The following LRRD1 variants were observed in gnomAD, a reference collection of about 807,000 sequenced individuals.
LRRD1 encodes the protein leucine-rich repeat and death domain-containing protein 1.
Under a neutral mutation model 69.5 loss-of-function variants are expected in LRRD1, and 49 were observed. The ratio of observed to expected loss-of-function variants is 0.70; its 90% CI spans 0.56 to 0.89. The LOEUF is 0.89. Ranked by LOEUF, LRRD1 falls within the 40% of genes least tolerant of loss-of-function variation. LRRD1 has a pLI of 0.00. For synonymous variants in LRRD1, 303 were observed against 338.9 expected (o/e 0.89, Z 1.16); for missense variants, 853 against 956.0 (o/e 0.89, Z 1.42).
chr7:92,153,554 G>C (rs1458781371), intron 3 of LRRD1, among the ~76,000 whole-genome samples: 1 of 151,174 alleles, frequency 6.6e-6, no homozygotes, highest in African/African-American at 2.4e-5. Context: ...TTTGGGCTGG[G>C]CACAGTGGCT....
intron 2 of LRRD1, among the ~76,000 whole-genome samples, chr7:92,162,343 T>A (rs1238803416): frequency 6.6e-6 from 1 of 152,220 alleles, no homozygotes; most frequent in Non-Finnish European, 1.5e-5. Context: ...CTTAAAGCTA[T>A]TTGATCACAG....
rs1022751671 is a variant in LRRD1 at position 92,167,348 on chromosome 7, C to G, written c.-74-2072G>C. Among the ~76,000 whole-genome samples, 21 of 151,914 alleles carry G rather than the reference C, an allele frequency of 1.4e-4. No individual in the cohort carries two copies. The East Asian group carries it at 3.1e-3, about 23-fold the overall frequency. ...TGACCTTGTGATCCATCCGCCTCAG[C>G]CTCCCAAAGTGCTGGGATTACAGGT... is the stretch of plus-strand genomic sequence containing the variant. On this transcript the variant is annotated intron_variant, in intron 1 of 5. Coordinates refer to ENST00000458448, the MANE Select transcript of LRRD1 (RefSeq NM_001161528.2).
Position 92,158,947 on chromosome 7 carries a change from A to G in LRRD1, c.2116+58T>C, listed in dbSNP as rs569914936. On this transcript the variant is annotated intron_variant, in intron 3 of 5. Transcript: ENST00000458448. ...CTGTATCTTGTCAGCAAAATTTGCA[A>G]CTCAGACATTAATACTCTACTTATT... is the stretch of plus-strand genomic sequence containing the variant. 1.1e-4 allele frequency: 155 copies of G among 1,397,924 alleles called. 2 individuals carry two copies. The South Asian group carries it at 1.4e-3, about 13-fold the overall frequency. 86.6% of individuals were successfully genotyped at this position (1,397,924 alleles called of 1,614,324 possible).
chr7:92,163,316 C>A lies in LRRD1; in HGVS notation c.1887G>T (p.Gln629His). 1 of 1,505,792 alleles carries A rather than the reference C, an allele frequency of 6.6e-7. No homozygotes were observed. The highest frequency in any genetic ancestry group is 8.9e-7 in the Non-Finnish European group (1 of 1,129,248). The allele number at this position is 1,505,792 out of a possible 1,614,324, so 93.3% of individuals were successfully genotyped here. A position where few individuals can be genotyped will look rare whatever the true frequency, so the allele number is the denominator to read the frequency against. ...TCCCTTTTATCTGACTTATATTCAG[C>A]TGTTCCAGTGATTGAAGTTGGCACA... ...IELCQLQSLEQLNISQIKGRK... is the reference protein window; with the variant it reads ...IELCQLQSLEHLNISQIKGRK... Residue 629 changes from glutamine to histidine, a missense_variant, in exon 2 of 6, where the codon CAG (glutamine) becomes CAT (histidine). Around this residue, in one of 3 missense-constraint regions of LRRD1, gnomAD observed 739 missense variants for 808.0 expected, o/e 0.91. Coordinates refer to ENST00000458448, the MANE Select transcript of LRRD1 (RefSeq NM_001161528.2).
intron 1 of LRRD1, among the ~76,000 whole-genome samples, chr7:92,174,109 T>A (rs1412414261): frequency 6.6e-6 from 1 of 152,068 alleles, no homozygotes; most frequent in Non-Finnish European, 1.5e-5. Flanking sequence ...CTCACTCATA[T>A]GTGGGAGCTA....
intron 1 of LRRD1, among the ~76,000 whole-genome samples, chr7:92,175,496 A>C (rs944199167): frequency 6.6e-6 from 1 of 152,050 alleles, no homozygotes. Flanking sequence ...AAAAATGCAA[A>C]AATTAGCTGG....
At chr7:92,151,095 A>G (rs182984515) in intron 3 of LRRD1, among the ~76,000 whole-genome samples, 24 of 152,320 alleles carry the variant, frequency 1.6e-4, no homozygotes, top group Middle Eastern at 3.4e-3. Context: ...TTATCATATT[A>G]CATTTGTTTA....
At chr7:92,160,208 T>A (rs1788767847) in intron 2 of LRRD1, among the ~76,000 whole-genome samples, 1 of 152,158 alleles carries the variant, frequency 6.6e-6, no homozygotes, top group Admixed American at 6.5e-5. Flanking sequence ...GGAAGTTCTA[T>A]GAACAAAACA....
chr7:92,153,356 C>T (rs997153785), intron 3 of LRRD1, among the ~76,000 whole-genome samples: 7 of 152,140 alleles, frequency 4.6e-5, no homozygotes, highest in East Asian at 3.9e-4. Context: ...TGAGCCACCA[C>T]GCCCGGCCTC....
chr7:92,144,908 TAA>T lies in LRRD1; in HGVS notation c.2561_2562del (p.Phe854TyrfsTer5). The T allele has an allele frequency of 6.7e-7, 1 of 1,500,996 alleles. No homozygotes were observed. Among genetic ancestry groups the T allele is most frequent in the African/African-American group, 1.4e-5 (1 of 72,202 alleles). 93.0% of individuals were successfully genotyped at this position (1,500,996 alleles called of 1,614,324 possible). ...IMDKITALNL[F>X]TRAIKF is the part of the protein sequence containing the mutation. ...ACTGGTTAGAATTTAATTGCACGCG[TAA>T]AAAGATTTAAAGCTGTTATTTTGTC... On this transcript the variant is annotated frameshift_variant, in exon 6 of 6. Coordinates refer to ENST00000458448, the MANE Select transcript of LRRD1 (RefSeq NM_001161528.2). LOFTEE classifies it high-confidence loss of function.
intron 4 of LRRD1, among the ~76,000 whole-genome samples, chr7:92,149,526 A>G (rs973466639): frequency 2.6e-5 from 4 of 152,180 alleles, no homozygotes; most frequent in African/African-American, 9.7e-5. Flanking sequence ...GCCAGTCTTC[A>G]TCTAGTCCCT....
intron 3 of LRRD1, among the ~76,000 whole-genome samples, chr7:92,154,810 T>C (rs1788617817): frequency 6.6e-6 from 1 of 152,216 alleles, no homozygotes; most frequent in South Asian, 2.1e-4. Context: ...CAGTAGTTCC[T>C]CCTTATCCAT....
chr7:92,160,570 C>T (rs1788774737), intron 2 of LRRD1, among the ~76,000 whole-genome samples: 2 of 151,886 alleles, frequency 1.3e-5, no homozygotes, highest in African/African-American at 4.8e-5. Flanking sequence ...ACCTGTAATC[C>T]CAGCACTTTG....
chr7:92,143,175 GGGTGCTGATT>G (rs1820211612), downstream of LRRD1, among the ~76,000 whole-genome samples: 1 of 152,042 alleles, frequency 6.6e-6, no homozygotes, highest in Non-Finnish European at 1.5e-5. Flanking sequence ...GCTAGACACA[GGGTGCTGATT>G]GGTGTGTTTA....
At chr7:92,178,802 G>A (rs1236673368) in intron 1 of LRRD1, 1 of 152,182 alleles carries the variant, frequency 6.6e-6, no homozygotes, top group Non-Finnish European at 1.5e-5. Flanking sequence ...TTACCTATCT[G>A]AAAGACATGC....
chr7:92,151,679 TG>T (rs2130988343), intron 3 of LRRD1, among the ~76,000 whole-genome samples: 1 of 152,306 alleles, frequency 6.6e-6, no homozygotes, highest in Non-Finnish European at 1.5e-5. Flanking sequence ...GTAAAACCAG[TG>T]GTTCACGCCT....
intron 1 of LRRD1, among the ~76,000 whole-genome samples, chr7:92,169,353 G>A (rs1788997667): frequency 1.3e-5 from 2 of 151,064 alleles, no homozygotes; most frequent in African/African-American, 4.9e-5. Flanking sequence ...AAATCAAACA[G>A]AAATGTTGGA....
chr7:92,168,821 CCATGATGTCCCCAAA>C (rs1225666409), intron 1 of LRRD1, among the ~76,000 whole-genome samples: 10 of 152,146 alleles, frequency 6.6e-5, no homozygotes, highest in Non-Finnish European at 1.5e-4. Flanking sequence ...AATCAGGGAT[CCATGATGTCCCCAAA>C]CAGACAAAGC....
At chr7:92,146,540 C>T (rs7795295) in intron 4 of LRRD1, among the ~76,000 whole-genome samples, 5,090 of 150,752 alleles carry the variant, frequency 0.034, 247 homozygotes, top group African/African-American at 0.11. Context: ...TCACTTGAAC[C>T]GGGGAGGCGG....
Sources: allele counts gnomAD v4.1 joint callset (sites outside exome capture counted in the v4.1 genomes callset), GRCh38; gene constraint gnomAD v4.1.1; regional missense constraint gnomAD v4.1.1; transcripts MANE v1.5; gene names NCBI Gene and HGNC (gene_info 2026-07-23, HGNC 2026-07-21).